Variants in TMEM117 observed in about 807,000 individuals in gnomAD.
TMEM117 encodes the protein transmembrane protein 117.
TMEM117 carries 27 observed loss-of-function variants against 52.4 expected under a neutral mutation model. The ratio of observed to expected loss-of-function variants is 0.51; its 90% CI spans 0.38 to 0.71. The LOEUF is 0.71. Among genes scored for constraint, TMEM117 ranks in the 30% least tolerant of loss-of-function variants. The probability of loss-of-function intolerance (pLI) is 0.00; values close to 1 mark genes in which losing one functional copy is unlikely to be tolerated. For synonymous variants in TMEM117, 215 were observed against 206.3 expected, an observed-to-expected ratio of 1.04 and a Z score of -0.36; for missense variants, 556 against 630.5, an observed-to-expected ratio of 0.88 and a Z score of 1.26.
rs981782583 is a variant in TMEM117 at position 43,876,425 on chromosome 12, G to A, written c.277+31497G>A. Among the ~76,000 whole-genome samples, 10 of 152,120 alleles carry A rather than the reference G, an allele frequency of 6.6e-5. No homozygotes were observed. The East Asian group carries it at 1.2e-3, about 18-fold the overall frequency. ...AGCTTAGGTTGATCTTCAAGATGTCGTTTTCTAGGAAACTCAGCTCATATC... is the reference window on the plus strand; with the variant it reads ...AGCTTAGGTTGATCTTCAAGATGTCATTTTCTAGGAAACTCAGCTCATATC... On this transcript the variant is annotated intron_variant, in intron 2 of 7. Coordinates refer to ENST00000266534, the MANE Select transcript of TMEM117 (RefSeq NM_032256.3).
At chr12:43,850,627 C>T (rs748170983) in intron 2 of TMEM117, among the ~76,000 whole-genome samples, 29 of 152,106 alleles carry the variant, frequency 1.9e-4, no homozygotes, top group Non-Finnish European at 4.0e-4. Flanking sequence ...GACTCCCTCC[C>T]GTAAGACTTC....
chr12:43,930,116 T>C (rs994184796), intron 2 of TMEM117, among the ~76,000 whole-genome samples: 5 of 152,186 alleles, frequency 3.3e-5, no homozygotes, highest in Non-Finnish European at 7.3e-5. Flanking sequence ...TCCTATGATA[T>C]TGCCTTTCAT....
intron 4 of TMEM117, among the ~76,000 whole-genome samples, chr12:44,177,507 G>C (rs1197848689): frequency 2.6e-5 from 4 of 152,138 alleles, no homozygotes; most frequent in Non-Finnish European, 1.5e-5. Flanking sequence ...TGCCTCTGCA[G>C]GTAGAGTGAA....
intron 3 of TMEM117, among the ~76,000 whole-genome samples, chr12:44,039,680 A>G (rs1263272755): frequency 6.6e-6 from 1 of 151,980 alleles, no homozygotes; most frequent in African/African-American, 2.4e-5. Flanking sequence ...ATACTTTTCA[A>G]TTTATTTAGC....
intron 3 of TMEM117, among the ~76,000 whole-genome samples, chr12:44,064,500 C>T (rs1328262221): frequency 1.3e-5 from 2 of 151,998 alleles, no homozygotes; most frequent in Non-Finnish European, 2.9e-5. Flanking sequence ...TCAGGTGGCT[C>T]TTTGAAGGAG....
At chr12:43,896,295 A>G (rs908481733) in intron 2 of TMEM117, among the ~76,000 whole-genome samples, 5 of 152,210 alleles carry the variant, frequency 3.3e-5, no homozygotes, top group Non-Finnish European at 7.4e-5. Context: ...AGTGTCTTCT[A>G]GATTGTGCCT....
chr12:43,959,625 CTCT>C (rs1464164851), intron 3 of TMEM117, among the ~76,000 whole-genome samples: 2 of 152,094 alleles, frequency 1.3e-5, no homozygotes, highest in African/African-American at 4.8e-5. Flanking sequence ...CTTCTTATTG[CTCT>C]TCAAGTAATA....
At chr12:44,104,986 G>A (rs192474862) in intron 3 of TMEM117, among the ~76,000 whole-genome samples, 1 of 151,942 alleles carries the variant, frequency 6.6e-6, no homozygotes, top group Admixed American at 6.6e-5. Flanking sequence ...GGTGTTTTCT[G>A]AGCTTCCTGG....
chr12:43,920,839 T>A (rs532170889), intron 2 of TMEM117, among the ~76,000 whole-genome samples: 3 of 152,124 alleles, frequency 2.0e-5, no homozygotes, highest in Non-Finnish European at 4.4e-5. Context: ...ATCTAGTTAT[T>A]TGTTATGCTC....
intron 4 of TMEM117, among the ~76,000 whole-genome samples, chr12:44,199,406 A>T (rs1470141109): frequency 6.6e-6 from 1 of 152,196 alleles, no homozygotes. Flanking sequence ...ATACATACTG[A>T]GAAAGTGCCA....
At chr12:44,174,392 A>G (rs1468445376) in intron 4 of TMEM117, among the ~76,000 whole-genome samples, 1 of 152,212 alleles carries the variant, frequency 6.6e-6, no homozygotes, top group African/African-American at 2.4e-5. Context: ...AAAGCCAAAA[A>G]TATTTACTAT....
intron 4 of TMEM117, among the ~76,000 whole-genome samples, chr12:44,177,741 A>C (rs993767061): frequency 6.6e-6 from 1 of 152,324 alleles, no homozygotes; most frequent in East Asian, 1.9e-4. Flanking sequence ...TTCTCAGTTT[A>C]GGAGGAGAAT....
intron 2 of TMEM117, among the ~76,000 whole-genome samples, chr12:43,937,672 C>A (rs951451262): frequency 6.6e-6 from 1 of 152,006 alleles, no homozygotes; most frequent in Middle Eastern, 3.2e-3. Flanking sequence ...TATAATAGGA[C>A]CTAGATGTAG....
At chr12:44,026,165 A>G (rs1946530616) in intron 3 of TMEM117, among the ~76,000 whole-genome samples, 1 of 152,202 alleles carries the variant, frequency 6.6e-6, no homozygotes, top group Non-Finnish European at 1.5e-5. Flanking sequence ...ATTTCATTTC[A>G]AAGACTTGGC....
chr12:44,280,675 G>A (rs184570585), intron 5 of TMEM117, among the ~76,000 whole-genome samples: 92 of 152,078 alleles, frequency 6.0e-4, no homozygotes, highest in Non-Finnish European at 1.2e-3. Context: ...TTAGCTCTGT[G>A]TCTTTATCAT....
chr12:43,885,756 A>G (rs1055589260), intron 2 of TMEM117, among the ~76,000 whole-genome samples: 2 of 152,328 alleles, frequency 1.3e-5, no homozygotes, highest in Admixed American at 1.3e-4. Flanking sequence ...AGAAGCAGTA[A>G]TACAGATATG....
chr12:44,334,617 A>T (rs1951315333), intron 6 of TMEM117, among the ~76,000 whole-genome samples: 1 of 151,962 alleles, frequency 6.6e-6, no homozygotes, highest in South Asian at 2.1e-4. Context: ...TGGCATGATT[A>T]CTTAAGGTTT....
intron 6 of TMEM117, among the ~76,000 whole-genome samples, chr12:44,305,471 T>C (rs2138656178): frequency 6.8e-6 from 1 of 147,292 alleles, no homozygotes; most frequent in East Asian, 2.0e-4. Flanking sequence ...AAACAGATAA[T>C]CCCATCTAAA....
At chr12:43,824,634 G>C in the TMEM117 span, among the ~76,000 whole-genome samples, 2 of 152,174 alleles carry the variant, frequency 1.3e-5, no homozygotes, top group African/African-American at 4.8e-5. Context: ...GGCAGCTGCT[G>C]AGCTAAGAAA....
Sources: gnomAD v4.1 joint callset for allele counts (sites outside exome capture counted in the v4.1 genomes callset) on GRCh38, gnomAD v4.1.1 for gene constraint, MANE v1.5 for transcripts, NCBI Gene and HGNC (gene_info 2026-07-23, HGNC 2026-07-21) for gene names.